Variants in ZSCAN18 observed in about 807,000 individuals in gnomAD.
ZSCAN18 encodes the protein zinc finger and SCAN domain containing 18.
A neutral mutation model predicts 31.1 loss-of-function variants in ZSCAN18; 16 were observed. The ratio of observed to expected loss-of-function variants is 0.51; its 90% confidence interval spans 0.35 to 0.78. ZSCAN18 has a LOEUF of 0.78. ZSCAN18 is among the 30% of genes least tolerant of loss of function. The pLI is 0.01. For missense variants in ZSCAN18, 731 were observed against 697.4 expected (o/e 1.05, Z -0.54); for synonymous variants, 375 against 320.7 (o/e 1.17, Z -1.81).
In ZSCAN18 at chr19:58,094,324, T is replaced by C. The variant is rs575718596; in HGVS notation, c.-120+3850A>G. Among the ~76,000 whole-genome samples the C allele has an allele frequency of 5.3e-5, 8 of 150,300 alleles. No individual in the cohort carries two copies. In the South Asian group the frequency reaches 8.4e-4, roughly 16 times the overall value. On this transcript the variant is annotated intron_variant, in intron 1 of 6. Transcript: ENST00000601144. ...TACTCAGGAGGCCGAGGCAGGAGAA[T>C]GGTGTGAACCCGGCAGGCGGAGCTT...
At position 58,090,097 on chromosome 19, in the gene ZSCAN18, G is replaced by A. The variant is rs773494793; in HGVS notation, c.171C>T (p.Tyr57=). ...FSRLRFREFV[Y]QEAAGPHQTL... ...TCTGGTGGGGCCCGGCAGCCTCCTG[G>A]TAGACAAATTCCCGGAAACGCAGGC... is the stretch of plus-strand genomic sequence containing the variant. The change falls in exon 2 of 7, where the codon TAC becomes TAT. Residue 57 remains tyrosine, a synonymous_variant. Coordinates refer to ENST00000601144, the MANE Select transcript of ZSCAN18 (RefSeq NM_001145543.2). The surrounding 1 kb of genome is among the most constrained non-coding windows in gnomAD (Gnocchi z 4.7). The A allele has an allele frequency of 6.3e-5, 101 of 1,613,694 alleles. No homozygotes were observed. The highest frequency in any genetic ancestry group is 8.1e-5 in the Non-Finnish European group (96 of 1,179,900).
chr19:58,089,168 T>C (rs560320795), intron 2 of ZSCAN18, among the ~76,000 whole-genome samples: 1 of 148,328 alleles, frequency 6.7e-6, no homozygotes, highest in African/African-American at 2.5e-5. Flanking sequence ...CCGGGCGTAG[T>C]GGCGGGCGCC....
chr19:58,112,884 G>C (rs1187521605), intron 1 of ZSCAN18, among the ~76,000 whole-genome samples: 1 of 133,830 alleles, frequency 7.5e-6, no homozygotes, highest in Non-Finnish European at 1.5e-5. Context: ...CTGGGAGGCA[G>C]AAGGTGCAGT....
chr19:58,085,745 G>C (rs2074265935), intron 6 of ZSCAN18: 1 of 334,890 alleles, frequency 3.0e-6, no homozygotes, highest in African/African-American at 2.2e-5. Flanking sequence ...CCTCCTGGAG[G>C]GAGGGGCCCG....
At chr19:58,112,620 C>T (rs565974422) in intron 1 of ZSCAN18, among the ~76,000 whole-genome samples, 188 of 145,298 alleles carry the variant, frequency 1.3e-3, no homozygotes, top group African/African-American at 4.6e-3. Context: ...CACTGCACTC[C>T]AGCCTGGGCG....
chr19:58,093,026 C>G (rs944267206), intron 1 of ZSCAN18, among the ~76,000 whole-genome samples: 3 of 152,168 alleles, frequency 2.0e-5, no homozygotes, highest in African/African-American at 7.2e-5. Flanking sequence ...ATACGCCTGC[C>G]TGGGCCTCCC....
chr19:58,102,158 TA>T (rs1273920810), upstream of ZSCAN18, among the ~76,000 whole-genome samples: 22 of 152,114 alleles, frequency 1.4e-4, no homozygotes, highest in Admixed American at 5.2e-4. Flanking sequence ...GGCAGCTTAC[TA>T]AAAAACCCCA....
At chr19:58,097,862 C>T (rs2074550726) in intron 1 of ZSCAN18, 2 of 955,752 alleles carry the variant, frequency 2.1e-6, no homozygotes, top group South Asian at 4.9e-5. Context: ...GTTCTCCCAC[C>T]CACAGGGTGC....
rs758047896 is a variant in ZSCAN18 at position 58,086,186 on chromosome 19, T to C, written c.826A>G (p.Ser276Gly). ...AACCCAACCTCACCTGGGAGGCTGCTTCCTTGTGGATCTCTTTCCACCAAC... is the reference window on the plus strand; with the variant it reads ...AACCCAACCTCACCTGGGAGGCTGCCTCCTTGTGGATCTCTTTCCACCAAC... ...LRLVERDPQG[S>G]SLPEGGRRQE... Residue 276 changes from serine (S) to glycine (G), a missense_variant, in exon 6 of 7, where the codon AGC becomes GGC. Physicochemically the swap from Ser to Gly is moderately conservative, Grantham distance 56. Around this residue, in one of 4 missense-constraint regions of ZSCAN18, gnomAD observed 597 missense variants for 499.5 expected, o/e 1.20. Coordinates refer to ENST00000601144, the MANE Select transcript of ZSCAN18 (RefSeq NM_001145543.2). The C allele has an allele frequency of 1.5e-5, 24 of 1,614,002 alleles. No individual in the cohort carries two copies. In the South Asian group the frequency reaches 1.9e-4, roughly 13 times the overall value.
intron 5 of ZSCAN18, chr19:58,086,696 C>G: frequency 1.8e-6 from 1 of 551,972 alleles, no homozygotes; most frequent in Admixed American, 3.4e-5. Flanking sequence ...GGCTTCAGTC[C>G]TACAGGCAGG....
Position 58,112,806 on chromosome 19 carries a change from C to T in ZSCAN18, c.130+5461G>A, listed in dbSNP as rs533596118. On this transcript the variant is annotated intron_variant, in intron 1 of 1. Coordinates refer to the ZSCAN18 transcript ENST00000595721. ...CTCTACTAAAAACACAAAAAATTAG[C>T]CAGGCATGGTGGCGGGCAACTGTAA... 2.6e-5 allele frequency among the ~76,000 whole-genome samples: 4 copies of T among 151,372 alleles called. No individual in the cohort carries two copies. The East Asian group carries it at 5.9e-4, about 22-fold the overall frequency.
chr19:58,118,139 G>A lies in ZSCAN18; in HGVS notation c.130+128C>T, dbSNP rs2074748090. Reference sequence around the variant, plus strand: ...GAGAGTTCCTCACGCCCGCCCCGCCGGGAACCACAAGCCAGCGCCCCTAAC... The same window carrying A: ...GAGAGTTCCTCACGCCCGCCCCGCCAGGAACCACAAGCCAGCGCCCCTAAC... On this transcript the variant is annotated intron_variant, in intron 1 of 1. Transcript: ENST00000595721. 1.1e-5 allele frequency: 5 copies of A among 435,824 alleles called. No individual in the cohort carries two copies. In the South Asian group the frequency reaches 2.3e-4, roughly 20 times the overall value. The allele number at this position is 435,824 out of a possible 1,614,324, so 27.0% of individuals were successfully genotyped here.
At chr19:58,097,860 A>G (rs1248329715) in intron 1 of ZSCAN18, 14 of 922,830 alleles carry the variant, frequency 1.5e-5, no homozygotes, top group Admixed American at 8.1e-5. Flanking sequence ...CTGTTCTCCC[A>G]CCCACAGGGT....
chr19:58,107,076 T>G (rs930392425), intron 1 of ZSCAN18, among the ~76,000 whole-genome samples: 1 of 152,034 alleles, frequency 6.6e-6, no homozygotes, highest in African/African-American at 2.4e-5. Context: ...ACATCTGTTC[T>G]TGAATAATGA....
Position 58,085,088 on chromosome 19 carries a change from C to A in ZSCAN18, c.1130G>T (p.Gly377Val). Residue 377 changes from glycine (G) to valine (V), a missense_variant, in exon 7 of 7, where the codon GGG (glycine) becomes GTG (valine). By Grantham distance (109) the Gly-to-Val change is moderately radical (BLOSUM62 -3). This residue lies in a region of ZSCAN18 where 597 missense variants were observed against 499.5 expected (regional missense o/e 1.20). Coordinates refer to ENST00000601144, the MANE Select transcript of ZSCAN18 (RefSeq NM_001145543.2). The part of the protein sequence containing the change: ...LGTKRPHPED[G>V]DGQSLEGVSS... ...GACGCCCTCGAGGCTCTGCCCGTCC[C>A]CATCCTCGGGGTGCGGCCTCTTGGT... 6.2e-7 allele frequency: 1 copy of A among 1,604,950 alleles called. No individual in the cohort carries two copies. The highest frequency in any genetic ancestry group is 1.7e-4 in the Middle Eastern group (1 of 6,020).
chr19:58,113,168 T>C (rs1205112895), intron 1 of ZSCAN18, among the ~76,000 whole-genome samples: 3 of 150,816 alleles, frequency 2.0e-5, no homozygotes, highest in Non-Finnish European at 4.4e-5. Flanking sequence ...GCAAAAAAAT[T>C]AGCCAGGTGT....
At chr19:58,098,249 T>A (rs111396528), upstream of ZSCAN18, 1 of 985,494 alleles carries the variant, frequency 1.0e-6, no homozygotes, top group South Asian at 4.7e-5. Context: ...AAACTGCGCC[T>A]GCGCACTGGG....
chr19:58,103,130 T>A (rs907241031), upstream of ZSCAN18, among the ~76,000 whole-genome samples: 5 of 144,888 alleles, frequency 3.5e-5, no homozygotes, highest in African/African-American at 5.0e-5. Context: ...TAAAAAAAAA[T>A]AAAAAAATAA....
chr19:58,098,567 G>A (rs2074565393), upstream of ZSCAN18, among the ~76,000 whole-genome samples: 2 of 152,208 alleles, frequency 1.3e-5, no homozygotes, highest in Admixed American at 6.5e-5. Context: ...GACGCTCGGG[G>A]GCAGACCAAG....
Sources: allele counts gnomAD v4.1 joint callset (sites outside exome capture counted in the v4.1 genomes callset), GRCh38; gene constraint gnomAD v4.1.1; regional missense constraint gnomAD v4.1.1; non-coding constraint Gnocchi (gnomAD v3.1); transcripts MANE v1.5; gene names NCBI Gene and HGNC (gene_info 2026-07-23, HGNC 2026-07-21).